GRAMD4: variants seen among roughly 807,000 people sequenced by gnomAD.
The protein encoded by GRAMD4 is GRAM domain-containing protein 4.
Under a neutral mutation model 83.9 loss-of-function variants are expected in GRAMD4, and 25 were observed. That is an observed-to-expected ratio of 0.30 (90% CI 0.22 to 0.42). The LOEUF (loss-of-function observed/expected upper bound fraction) is 0.42. GRAMD4 is among the 10% of genes least tolerant of loss of function. The probability of loss-of-function intolerance (pLI) is 1.00; values close to 1 mark genes in which losing one functional copy is unlikely to be tolerated. For synonymous variants in GRAMD4, 336 were observed against 320.9 expected, an observed-to-expected ratio of 1.05 and a Z score of -0.50; for missense variants, 593 against 788.7, an observed-to-expected ratio of 0.75 and a Z score of 2.97.
chr22:46,650,453 G>T (rs1367479732), intron 3 of GRAMD4, among the ~76,000 whole-genome samples: 2 of 152,076 alleles, frequency 1.3e-5, no homozygotes, highest in African/African-American at 4.8e-5. Context: ...CTGGGTGGAC[G>T]GCTGGGCCTC....
chr22:46,589,356 G>A (rs1178438177), intron 1 of GRAMD4, among the ~76,000 whole-genome samples: 3 of 142,444 alleles, frequency 2.1e-5, no homozygotes. Flanking sequence ...TGATATGTGG[G>A]GGAGTCCTGG....
chr22:46,655,070 G>A (rs373836625), intron 3 of GRAMD4, among the ~76,000 whole-genome samples: 1 of 152,218 alleles, frequency 6.6e-6, no homozygotes, highest in African/African-American at 2.4e-5. Context: ...CAGGACTGAG[G>A]CTGAGGGACA....
chr22:46,643,083 T>TCA (rs2081999135), intron 3 of GRAMD4, among the ~76,000 whole-genome samples: 1 of 12,502 alleles, frequency 8.0e-5, no homozygotes, highest in African/African-American at 3.0e-4. Flanking sequence ...ATCTATCCAT[T>TCA]TATCCATCCA....
At chr22:46,667,992 G>A (rs755929089) in intron 10 of GRAMD4, 104 bp from the exon 11 acceptor site, 6 of 775,886 alleles carry the variant, frequency 7.7e-6, no homozygotes, top group Admixed American at 2.2e-5. Context: ...GCTGTGTGGG[G>A]ACAGCAGAGT....
intron 1 of GRAMD4, among the ~76,000 whole-genome samples, chr22:46,602,899 C>T (rs981238470): frequency 4.6e-5 from 7 of 151,782 alleles, no homozygotes; most frequent in African/African-American, 7.3e-5. Context: ...CATGCCACCA[C>T]GCCTGGCTAC....
intron 3 of GRAMD4, among the ~76,000 whole-genome samples, chr22:46,647,595 G>A (rs562282488): frequency 6.6e-6 from 1 of 152,394 alleles, no homozygotes; most frequent in South Asian, 2.1e-4. Flanking sequence ...AACGGCTGCA[G>A]GTCCTGGGTC....
chr22:46,668,184 C>T lies in GRAMD4; in HGVS notation c.930+17C>T, dbSNP rs370234312. On this transcript the variant is annotated intron_variant, in intron 11 of 18. Transcript: ENST00000406902. ...AAAGCCCAGGTACTGCCACGGGCGC[C>T]GGCCAGGGGTGTGTCTGCGCCAGCC... 70 of 1,590,920 alleles carry T rather than the reference C, an allele frequency of 4.4e-5. No homozygotes were observed. The African/African-American group carries it at 6.7e-4, about 15-fold the overall frequency.
rs2081581866 is a variant in GRAMD4 at position 46,621,914 on chromosome 22, G to T, written c.-50+1349G>T. 6.6e-6 allele frequency among the ~76,000 whole-genome samples: 1 copy of T among 152,228 alleles called. No homozygotes were observed. The highest frequency in any genetic ancestry group is 2.1e-4 in the South Asian group (1 of 4,834). On this transcript the variant is annotated intron_variant, in intron 1 of 18. Transcript: ENST00000406902. The surrounding 1 kb of genome is among the most constrained non-coding windows in gnomAD (Gnocchi z 5.8). Reference sequence around the variant, plus strand: ...TTTTGATGGACCCAGGGAGTTGGGTGAGGAGGGTGGTGGAGTCAGTGGGGC... The same window carrying T: ...TTTTGATGGACCCAGGGAGTTGGGTTAGGAGGGTGGTGGAGTCAGTGGGGC...
At chr22:46,651,900 G>A (rs924385420) in intron 3 of GRAMD4, among the ~76,000 whole-genome samples, 2 of 152,144 alleles carry the variant, frequency 1.3e-5, no homozygotes, top group African/African-American at 4.8e-5. Context: ...ACTCCTTTAG[G>A]GCTCCTGGAC....
intron 1 of GRAMD4, among the ~76,000 whole-genome samples, chr22:46,587,167 G>A (rs1424221295): frequency 6.6e-6 from 1 of 152,196 alleles, no homozygotes; most frequent in Non-Finnish European, 1.5e-5. Context: ...AACAGGAGTG[G>A]ACCCTGTGAG....
At chr22:46,670,091 C>T (rs2082479316) in intron 13 of GRAMD4, among the ~76,000 whole-genome samples, 1 of 152,194 alleles carries the variant, frequency 6.6e-6, no homozygotes, top group South Asian at 2.1e-4. Flanking sequence ...GGGGAGAGCT[C>T]CGTGCCGGAG....
chr22:46,665,749 G>T, intron 9 of GRAMD4, 43 bp downstream of exon 9: 1 of 1,023,616 alleles, frequency 9.8e-7, no homozygotes. Context: ...CCCACCGCAT[G>T]TATGGCTGTG....
At chr22:46,642,606 G>T (rs545233272) in intron 3 of GRAMD4, among the ~76,000 whole-genome samples, 2 of 152,064 alleles carry the variant, frequency 1.3e-5, no homozygotes, top group Non-Finnish European at 2.9e-5. Flanking sequence ...TTGTCCTTAG[G>T]GCTTGTCCCA....
chr22:46,616,561 T>A (rs1354519527), upstream of GRAMD4, among the ~76,000 whole-genome samples: 4 of 137,370 alleles, frequency 2.9e-5, no homozygotes, highest in Non-Finnish European at 6.2e-5. Context: ...CAGGTTCCCC[T>A]GTGTGTGCGG....
intron 1 of GRAMD4, among the ~76,000 whole-genome samples, chr22:46,602,395 C>G (rs931711545): frequency 2.6e-5 from 4 of 152,136 alleles, no homozygotes; most frequent in African/African-American, 9.7e-5. Context: ...TTGTATTTAT[C>G]GGCTGGGCAC....
chr22:46,604,966 C>G lies in GRAMD4; in HGVS notation c.-49-21785C>G, dbSNP rs1445511747. 1.7e-4 allele frequency among the ~76,000 whole-genome samples: 16 copies of G among 96,506 alleles called. 4 individuals are homozygous for G. The highest frequency in any genetic ancestry group is 8.9e-4 in the African/African-American group (16 of 18,030). 63.3% of individuals were successfully genotyped at this position (96,506 alleles called of 152,430 possible). Reference sequence around the variant, plus strand: ...ACCCAGGTCTTGGTGCCATAATGTTCTCTGGGTTCACCCAGGTTTTGGTGC... The same window carrying G: ...ACCCAGGTCTTGGTGCCATAATGTTGTCTGGGTTCACCCAGGTTTTGGTGC... On this transcript the variant is annotated intron_variant, in intron 1 of 1. Coordinates refer to the GRAMD4 transcript ENST00000431155.
intron 3 of GRAMD4, among the ~76,000 whole-genome samples, chr22:46,643,295 TCATCCATCCATC>T (rs763098193): frequency 3.9e-5 from 4 of 102,922 alleles, no homozygotes; most frequent in African/African-American, 6.8e-5. Context: ...ATCCATCCAT[TCATCCATCCATC>T]CATCCATCCA....
intron 3 of GRAMD4, among the ~76,000 whole-genome samples, chr22:46,645,966 G>C (rs930605369): frequency 6.6e-6 from 1 of 152,182 alleles, no homozygotes; most frequent in Admixed American, 6.5e-5. Flanking sequence ...CTACCCAAGA[G>C]CACTGTGATG....
chr22:46,582,622 G>T (rs1038905104), intron 1 of GRAMD4, among the ~76,000 whole-genome samples: 1 of 152,186 alleles, frequency 6.6e-6, no homozygotes, highest in African/African-American at 2.4e-5. Flanking sequence ...CCTGGCTCGG[G>T]TCTGAGCTGG....
Sources: gnomAD v4.1 joint callset for allele counts (sites outside exome capture counted in the v4.1 genomes callset) on GRCh38, gnomAD v4.1.1 for gene constraint, Gnocchi (gnomAD v3.1) non-coding constraint, MANE v1.5 for transcripts, NCBI Gene and HGNC (gene_info 2026-07-23, HGNC 2026-07-21) for gene names.